Variants in PCDH15 observed in about 807,000 individuals in gnomAD.
PCDH15 encodes protocadherin related 15.
Under a neutral mutation model 178.5 loss-of-function variants are expected in PCDH15, and 129 were observed. The observed-to-expected ratio is 0.72, with a 90% CI of 0.63 to 0.84. The LOEUF (loss-of-function observed/expected upper bound fraction) is 0.84, where lower values mean the gene tolerates loss of function less well. Among genes scored for constraint, PCDH15 ranks in the 40% least tolerant of loss-of-function variants. The pLI is 0.00. For missense variants in PCDH15, 2,230 were observed against 2,099.9 expected (o/e 1.06, Z -1.21); for synonymous variants, 800 against 732.0 (o/e 1.09, Z -1.50).
At chr10:55,492,916 G>A (rs1357706400) in intron 2 of PCDH15, among the ~76,000 whole-genome samples, 2 of 151,664 alleles carry the variant, frequency 1.3e-5, no homozygotes, top group African/African-American at 4.8e-5. Flanking sequence ...AAAATATACA[G>A]CAACTAAATG....
chr10:53,980,707 A>C (rs1589744294), intron 21 of PCDH15, among the ~76,000 whole-genome samples: 1 of 152,232 alleles, frequency 6.6e-6, no homozygotes, highest in African/African-American at 2.4e-5. Flanking sequence ...AGGTTTAAAG[A>C]GGTTAATTAA....
At chr10:54,249,205 T>C (rs1158544884) in intron 8 of PCDH15, among the ~76,000 whole-genome samples, 1 of 152,162 alleles carries the variant, frequency 6.6e-6, no homozygotes, top group Non-Finnish European at 1.5e-5. Context: ...TGTTCCATAT[T>C]TAATTTTGTT....
chr10:54,746,931 G>T (rs982038181), intron 1 of PCDH15, among the ~76,000 whole-genome samples: 2 of 152,022 alleles, frequency 1.3e-5, no homozygotes, highest in Admixed American at 1.3e-4. Flanking sequence ...CTTTACATTG[G>T]GTTTATCAGA....
chr10:55,580,858 G>A (rs963479629), intron 2 of PCDH15, among the ~76,000 whole-genome samples: 19 of 152,136 alleles, frequency 1.2e-4, no homozygotes, highest in African/African-American at 4.6e-4. Flanking sequence ...GAAGCTGGTG[G>A]CTGATTTAGT....
At chr10:55,148,443 G>A (rs1450698265) in intron 2 of PCDH15, among the ~76,000 whole-genome samples, 8 of 151,690 alleles carry the variant, frequency 5.3e-5, no homozygotes, top group Non-Finnish European at 1.0e-4. Flanking sequence ...TATGGGATTC[G>A]TCCATTACTC....
intron 26 of PCDH15, among the ~76,000 whole-genome samples, chr10:53,868,126 T>G (rs1348983667): frequency 1.3e-5 from 2 of 152,034 alleles, no homozygotes; most frequent in African/African-American, 4.8e-5. Flanking sequence ...AAATAAATGG[T>G]AGATAGGAGA....
At chr10:54,514,743 C>T (rs780829262) in intron 3 of PCDH15, among the ~76,000 whole-genome samples, 27 of 150,740 alleles carry the variant, frequency 1.8e-4, no homozygotes, top group Non-Finnish European at 1.0e-4. Context: ...CATCAGGGTC[C>T]AAGGTGTTAA....
intron 2 of PCDH15, among the ~76,000 whole-genome samples, chr10:55,328,081 T>C (rs745514772): frequency 8.5e-5 from 13 of 152,144 alleles, no homozygotes; most frequent in Non-Finnish European, 1.6e-4. Flanking sequence ...AACGAAACTT[T>C]GTATGCTGTT....
At chr10:54,953,164 G>GT (rs980047769) in intron 2 of PCDH15, among the ~76,000 whole-genome samples, 19 of 151,318 alleles carry the variant, frequency 1.3e-4, no homozygotes, top group Non-Finnish European at 2.5e-4. Context: ...TTTTGTAGAT[G>GT]TTTTTTAAGT....
At chr10:54,036,713 C>A (rs564090761) in intron 18 of PCDH15, among the ~76,000 whole-genome samples, 12 of 151,980 alleles carry the variant, frequency 7.9e-5, no homozygotes, top group African/African-American at 2.9e-4. Context: ...CACTCTGCAG[C>A]TCATGGATAA....
At chr10:55,597,383 T>C (rs1230614419) in intron 2 of PCDH15, 3 of 152,116 alleles carry the variant, frequency 2.0e-5, no homozygotes, top group Non-Finnish European at 4.4e-5. Context: ...TATTGTTAAA[T>C]TAGGTAAGAG....
In PCDH15 at chr10:55,119,693, A is replaced by G. The variant is rs939617460; in HGVS notation, c.-80+46883T>C. Among the ~76,000 whole-genome samples the G allele has an allele frequency of 2.6e-5, 4 of 152,214 alleles. 1 individual carries two copies. In the South Asian group the frequency reaches 8.3e-4, roughly 32 times the overall value. Reference sequence around the variant, plus strand: ...TTGACAACACATATGTCAAAGAACGATGTATTGCCCAAATGGCCTGTAACT... The same window carrying G: ...TTGACAACACATATGTCAAAGAACGGTGTATTGCCCAAATGGCCTGTAACT... On this transcript the variant is annotated intron_variant, in intron 2 of 5. Transcript: ENST00000458638.
chr10:54,420,778 T>C (rs1758830), intron 3 of PCDH15, among the ~76,000 whole-genome samples: 2 of 151,896 alleles, frequency 1.3e-5, no homozygotes, highest in African/African-American at 4.8e-5. Context: ...ATACTGAGAA[T>C]AGTTGATTGG....
intron 25 of PCDH15, among the ~76,000 whole-genome samples, chr10:53,923,672 T>A (rs2084206277): frequency 6.6e-6 from 1 of 152,252 alleles, no homozygotes; most frequent in South Asian, 2.1e-4. Context: ...GCTATAGTTA[T>A]TGTTGGCCCA....
At chr10:55,223,579 G>C (rs1840945988) in intron 1 of PCDH15, among the ~76,000 whole-genome samples, 1 of 152,058 alleles carries the variant, frequency 6.6e-6, no homozygotes, top group South Asian at 2.1e-4. Context: ...TGATATATAG[G>C]AGGTCCTCTT....
intron 1 of PCDH15, among the ~76,000 whole-genome samples, chr10:55,299,479 A>C (rs1843215365): frequency 6.6e-6 from 1 of 152,178 alleles, no homozygotes; most frequent in South Asian, 2.1e-4. Flanking sequence ...AGCAGTGTTG[A>C]CCTGGTTAAT....
intron 18 of PCDH15, among the ~76,000 whole-genome samples, chr10:54,038,876 A>G (rs567791686): frequency 6.0e-4 from 92 of 152,114 alleles, no homozygotes; most frequent in South Asian, 5.0e-3. Flanking sequence ...AATATCATTC[A>G]TTGTTTTCAA....
At chr10:55,487,667 G>A (rs1010640197) in intron 2 of PCDH15, among the ~76,000 whole-genome samples, 1 of 151,470 alleles carries the variant, frequency 6.6e-6, no homozygotes. Context: ...AAATTTGATG[G>A]CACAATAACA....
chr10:53,914,888 C>G (rs2083416150), intron 25 of PCDH15, among the ~76,000 whole-genome samples: 1 of 152,172 alleles, frequency 6.6e-6, no homozygotes, highest in South Asian at 2.1e-4. Context: ...ATTTGATGGG[C>G]TATTTGAAAA....
Sources: allele counts gnomAD v4.1 joint callset (sites outside exome capture counted in the v4.1 genomes callset), GRCh38; gene constraint gnomAD v4.1.1; transcripts MANE v1.5; gene names NCBI Gene and HGNC (gene_info 2026-07-23, HGNC 2026-07-21).